Variants in BANP observed in about 807,000 individuals in gnomAD.
BANP encodes the protein BTG3 associated nuclear protein.
A neutral mutation model predicts 68.1 loss-of-function variants in BANP; 11 were observed. The observed-to-expected ratio is 0.16, with a 90% CI of 0.10 to 0.27. BANP has a LOEUF of 0.27. BANP is among the 10% of genes least tolerant of loss of function. BANP has a pLI of 1.00. For missense variants in BANP, 504 were observed against 722.7 expected (o/e 0.70, Z 3.47); for synonymous variants, 329 against 303.2 (o/e 1.09, Z -0.88).
chr16:87,972,556 T>C (rs1015265329), intron 1 of BANP, among the ~76,000 whole-genome samples: 9 of 152,188 alleles, frequency 5.9e-5, no homozygotes, highest in African/African-American at 2.2e-4. Flanking sequence ...TTGGCCTCAG[T>C]AGTTTCTGTT....
intron 7 of BANP, among the ~76,000 whole-genome samples, chr16:88,020,347 G>A (rs2075769126): frequency 6.6e-6 from 1 of 152,216 alleles, no homozygotes; most frequent in South Asian, 2.1e-4. Flanking sequence ...TCTGCTTTAG[G>A]GCATGGCGTG....
In BANP at chr16:87,996,992, C is replaced by T. The variant is rs75640571; in HGVS notation, c.363-7303C>T. Among the ~76,000 whole-genome samples the T allele has an allele frequency of 1.7e-3, 260 of 152,264 alleles. 3 individuals are homozygous for T. In the East Asian group the frequency reaches 0.041, roughly 24 times the overall value. ...TGTGTGGTCCACGAGCAACAGGGGC[C>T]GCCATGCCAGTTGCCCAGAGCACAG... On this transcript the variant is annotated intron_variant, in intron 4 of 13. Transcript: ENST00000682872.
chr16:88,054,935 TA>T (rs2084614899), intron 11 of BANP, among the ~76,000 whole-genome samples: 1 of 152,248 alleles, frequency 6.6e-6, no homozygotes, highest in Admixed American at 6.5e-5. Context: ...TCCTAGGGGG[TA>T]TTATATCTAT....
intron 11 of BANP, among the ~76,000 whole-genome samples, chr16:88,052,467 T>A (rs1339542089): frequency 6.6e-6 from 1 of 150,416 alleles, no homozygotes; most frequent in East Asian, 1.9e-4. Flanking sequence ...CTAGGACCGT[T>A]CAAGGAGTTA....
At chr16:88,042,888 G>A (rs145952733) in intron 11 of BANP, among the ~76,000 whole-genome samples, 17,000 of 152,258 alleles carry the variant, frequency 0.11, 1,245 homozygotes, top group East Asian at 0.23. Flanking sequence ...CTGCATTCCA[G>A]CCTGGGCAAC....
chr16:88,037,761 T>C, intron 10 of BANP: 1 of 596,536 alleles, frequency 1.7e-6, no homozygotes, highest in Non-Finnish European at 3.0e-6. Context: ...CTTTTTGAGT[T>C]GTTTGTTCAT....
At chr16:87,955,913 C>A (rs2057954858) in intron 1 of BANP, among the ~76,000 whole-genome samples, 1 of 152,138 alleles carries the variant, frequency 6.6e-6, no homozygotes, top group Non-Finnish European at 1.5e-5. Context: ...TCTCAAGTGT[C>A]CAGGTCTTGA....
intron 6 of BANP, among the ~76,000 whole-genome samples, chr16:88,016,646 GA>G (rs1159362533): frequency 6.6e-6 from 1 of 152,212 alleles, no homozygotes; most frequent in Non-Finnish European, 1.5e-5. Context: ...CTGGAGTCTC[GA>G]AGCTTTGCAG....
At chr16:87,989,502 A>G (rs1483935472) in intron 4 of BANP, among the ~76,000 whole-genome samples, 2 of 152,258 alleles carry the variant, frequency 1.3e-5, no homozygotes, top group East Asian at 3.8e-4. Flanking sequence ...TAGTGGTGTA[A>G]ACAGGATGCA....
intron 7 of BANP, among the ~76,000 whole-genome samples, chr16:88,021,239 C>T (rs1169877253): frequency 1.3e-5 from 2 of 152,198 alleles, no homozygotes; most frequent in African/African-American, 2.4e-5. Flanking sequence ...CCCACTGGCC[C>T]GGCCTCCCCA....
chr16:87,968,863 A>G (rs997008211), intron 1 of BANP, among the ~76,000 whole-genome samples: 1 of 152,188 alleles, frequency 6.6e-6, no homozygotes, highest in African/African-American at 2.4e-5. Context: ...ATCATTTTTT[A>G]AAAGTATACT....
intron 11 of BANP, among the ~76,000 whole-genome samples, chr16:88,059,365 C>G (rs2086066466): frequency 6.6e-6 from 1 of 152,092 alleles, no homozygotes; most frequent in Non-Finnish European, 1.5e-5. Flanking sequence ...TGCCTCTCCT[C>G]TGCTTCTCTG....
intron 1 of BANP, among the ~76,000 whole-genome samples, chr16:87,970,660 C>G (rs917941954): frequency 6.6e-6 from 1 of 152,172 alleles, no homozygotes; most frequent in African/African-American, 2.4e-5. Flanking sequence ...TGTTGATAGT[C>G]TGCTTTTCTT....
intron 6 of BANP, among the ~76,000 whole-genome samples, chr16:88,007,317 G>A (rs1252999826): frequency 1.3e-5 from 2 of 152,134 alleles, no homozygotes; most frequent in Non-Finnish European, 2.9e-5. Context: ...CAGCTTCCAC[G>A]GGTTCCATGG....
At chr16:87,964,546 G>C (rs545095461) in intron 1 of BANP, among the ~76,000 whole-genome samples, 1 of 152,248 alleles carries the variant, frequency 6.6e-6, no homozygotes, top group Admixed American at 6.5e-5. Flanking sequence ...CCGAGTGAGC[G>C]TGGCGGGGAG....
intron 4 of BANP, among the ~76,000 whole-genome samples, chr16:88,001,132 A>G (rs2069121872): frequency 1.0e-5 from 1 of 99,700 alleles, no homozygotes; most frequent in Non-Finnish European, 1.9e-5. Context: ...CCATGCACGC[A>G]CGTGCGCGGC....
chr16:87,982,205 C>G (rs367713909), intron 3 of BANP, among the ~76,000 whole-genome samples: 3 of 152,196 alleles, frequency 2.0e-5, no homozygotes, highest in East Asian at 3.9e-4. Context: ...GCACATAGAA[C>G]AGAAATGTAT....
At chr16:88,066,738 T>C (rs2088731291) in intron 12 of BANP, among the ~76,000 whole-genome samples, 1 of 152,236 alleles carries the variant, frequency 6.6e-6, no homozygotes, top group South Asian at 2.1e-4. Flanking sequence ...TTCAGTTTTT[T>C]TTTCCCCCAG....
intron 11 of BANP, among the ~76,000 whole-genome samples, chr16:88,053,650 A>G (rs1279071269): frequency 6.7e-6 from 1 of 148,644 alleles, no homozygotes; most frequent in Non-Finnish European, 1.5e-5. Context: ...CACCATCACC[A>G]ACACAGTCAC....
Sources: allele counts gnomAD v4.1 joint callset (sites outside exome capture counted in the v4.1 genomes callset), GRCh38; gene constraint gnomAD v4.1.1; transcripts MANE v1.5; gene names NCBI Gene and HGNC (gene_info 2026-07-23, HGNC 2026-07-21).